The following CNTLN variants were observed in gnomAD, a reference collection of about 807,000 sequenced individuals.
CNTLN encodes centlein, centrosomal protein.
Under a neutral mutation model 180.0 loss-of-function variants are expected in CNTLN, and 212 were observed. That is an observed-to-expected ratio of 1.18 (90% CI 1.05 to 1.32). The LOEUF is 1.32. Ranked by LOEUF, CNTLN falls within the 40% of genes most tolerant of loss-of-function variation. The probability of loss-of-function intolerance (pLI) is 0.00; values close to 1 mark genes in which losing one functional copy is unlikely to be tolerated. For synonymous variants in CNTLN, 722 were observed against 563.1 expected, an observed-to-expected ratio of 1.28 and a Z score of -3.99; for missense variants, 2,095 against 1,610.9, an observed-to-expected ratio of 1.30 and a Z score of -5.14.
At chr9:17,417,719 A>G (rs545622739) in intron 18 of CNTLN, among the ~76,000 whole-genome samples, 2 of 152,170 alleles carry the variant, frequency 1.3e-5, no homozygotes, top group African/African-American at 4.8e-5. Flanking sequence ...TGCATACACT[A>G]TGAGAAAAAT....
chr9:17,161,144 G>A (rs116054708), intron 2 of CNTLN, among the ~76,000 whole-genome samples: 2,890 of 152,086 alleles, frequency 0.019, 58 homozygotes, highest in African/African-American at 0.05. Flanking sequence ...GTTGTTGAAA[G>A]TCAAATTTTG....
chr9:17,260,598 GA>G (rs775841835), intron 5 of CNTLN, among the ~76,000 whole-genome samples: 17 of 151,094 alleles, frequency 1.1e-4, no homozygotes, highest in Non-Finnish European at 1.9e-4. Flanking sequence ...CATAATTTGT[GA>G]AAATTTTCTC....
intron 19 of CNTLN, among the ~76,000 whole-genome samples, chr9:17,459,632 A>G (rs112955239): frequency 0.017 from 2,609 of 151,856 alleles, 67 homozygotes; most frequent in African/African-American, 0.06. Context: ...CGTATATATT[A>G]TTCTCACAGT....
intron 5 of CNTLN, among the ~76,000 whole-genome samples, chr9:17,237,817 A>T (rs1825251053): frequency 6.6e-6 from 1 of 152,274 alleles, no homozygotes. Flanking sequence ...TTCTCGGTGT[A>T]TAAACCTGTT....
the CNTLN span, among the ~76,000 whole-genome samples, chr9:17,508,927 C>G: frequency 3.3e-5 from 5 of 152,248 alleles, 1 homozygote; most frequent in Middle Eastern, 0.017. Flanking sequence ...TAGATGGACC[C>G]CTCTGAATGA....
At chr9:17,463,115 C>T in intron 20 of CNTLN, 102 bp downstream of exon 20, 1 of 643,712 alleles carries the variant, frequency 1.6e-6, no homozygotes, top group East Asian at 3.0e-5. Context: ...CGTTTTCCTT[C>T]CCTAGTTCAT....
chr9:17,284,228 G>C (rs1007171832), intron 6 of CNTLN, among the ~76,000 whole-genome samples: 1 of 152,022 alleles, frequency 6.6e-6, no homozygotes, highest in African/African-American at 2.4e-5. Flanking sequence ...ATATTGGCCT[G>C]AAGTTTTTAT....
At chr9:17,271,054 C>T (rs1827907269) in intron 5 of CNTLN, among the ~76,000 whole-genome samples, 1 of 150,350 alleles carries the variant, frequency 6.7e-6, no homozygotes, top group Non-Finnish European at 1.5e-5. Context: ...GGGTTCACAC[C>T]ATTCTCCTGC....
Position 17,260,177 on chromosome 9 carries a change from C to T in CNTLN, c.850-13556C>T, listed in dbSNP as rs192945090. ...TCCCAGAGATTCTGGTATGTTATGT[C>T]TTTGTTCTCTTTGGTTTCAAAGAAC... On this transcript the variant is annotated intron_variant, in intron 5 of 25. Transcript: ENST00000380647. 1.7e-3 allele frequency among the ~76,000 whole-genome samples: 253 copies of T among 147,772 alleles called. 12 individuals carry two copies. The highest frequency in any genetic ancestry group is 6.3e-3 in the African/African-American group (241 of 38,290).
chr9:17,225,466 G>A (rs1423458157), intron 2 of CNTLN, among the ~76,000 whole-genome samples: 3 of 151,930 alleles, frequency 2.0e-5, no homozygotes, highest in East Asian at 3.9e-4. Context: ...TGAATACCAT[G>A]TATTTTATTT....
At chr9:17,308,972 GTA>G (rs1250575287) in intron 7 of CNTLN, 84 bp from the exon 8 acceptor site, 9 of 39,690 alleles carry the variant, frequency 2.3e-4, no homozygotes, top group South Asian at 8.3e-4. Flanking sequence ...CAGTTCATAT[GTA>G]TATATACACA....
At chr9:17,520,763 A>G in the CNTLN span, among the ~76,000 whole-genome samples, 10,184 of 152,270 alleles carry the variant, frequency 0.067, 933 homozygotes, top group African/African-American at 0.21. Context: ...TTAGTTTTTC[A>G]TGAAATGATT....
chr9:17,236,956 C>T (rs1825183200), intron 5 of CNTLN, among the ~76,000 whole-genome samples: 1 of 151,972 alleles, frequency 6.6e-6, no homozygotes, highest in Admixed American at 6.6e-5. Context: ...TTTCTAGATC[C>T]TTTGAAATAT....
chr9:17,210,833 G>T (rs1392011866), intron 2 of CNTLN, among the ~76,000 whole-genome samples: 2 of 152,090 alleles, frequency 1.3e-5, no homozygotes, highest in Non-Finnish European at 2.9e-5. Flanking sequence ...TCATGTGTCT[G>T]TTGGCTGCAT....
At chr9:17,482,728 C>G (rs984421738) in intron 23 of CNTLN, among the ~76,000 whole-genome samples, 1 of 152,100 alleles carries the variant, frequency 6.6e-6, no homozygotes, top group African/African-American at 2.4e-5. Flanking sequence ...TTAAAATATA[C>G]TCAAATATAA....
chr9:17,144,310 A>G (rs555888279), intron 2 of CNTLN, among the ~76,000 whole-genome samples: 3 of 152,218 alleles, frequency 2.0e-5, no homozygotes, highest in Admixed American at 6.5e-5. Flanking sequence ...TAATTCATCA[A>G]TCATTTTTTT....
chr9:17,225,902 C>G (rs77386891), intron 2 of CNTLN, among the ~76,000 whole-genome samples: 8,387 of 151,920 alleles, frequency 0.055, 266 homozygotes, highest in East Asian at 0.18. Context: ...CTTAAATTAA[C>G]AAGAACATGT....
intron 23 of CNTLN, among the ~76,000 whole-genome samples, chr9:17,469,301 A>G (rs146874395): frequency 0.024 from 3,695 of 151,842 alleles, 66 homozygotes; most frequent in South Asian, 0.072. Flanking sequence ...TCCAATGGCA[A>G]TTTGACATTT....
chr9:17,266,234 T>C (rs1171142363), intron 5 of CNTLN, among the ~76,000 whole-genome samples: 1 of 152,198 alleles, frequency 6.6e-6, no homozygotes, highest in East Asian at 1.9e-4. Flanking sequence ...TCTGGTATGC[T>C]GTGTCTTTGT....
Sources: allele counts gnomAD v4.1 joint callset (sites outside exome capture counted in the v4.1 genomes callset), GRCh38; gene constraint gnomAD v4.1.1; transcripts MANE v1.5; gene names NCBI Gene and HGNC (gene_info 2026-07-23, HGNC 2026-07-21).